Variants in SENP5 observed in about 807,000 individuals in gnomAD.
SENP5 encodes the protein sentrin-specific protease 5.
SENP5 carries 21 observed loss-of-function variants against 74.2 expected under a neutral mutation model. That is an observed-to-expected ratio of 0.28 (90% CI 0.20 to 0.41). The LOEUF is 0.41. Among genes scored for constraint, SENP5 ranks in the 10% least tolerant of loss-of-function variants. The pLI, the probability that SENP5 is intolerant of heterozygous loss-of-function variation, is 1.00. For missense variants in SENP5, 717 were observed against 889.1 expected (o/e 0.81, Z 2.46); for synonymous variants, 311 against 312.7 (o/e 0.99, Z 0.06).
chr3:196,878,678 GTC>G, intron 1 of SENP5, among the ~76,000 whole-genome samples: 1 of 152,210 alleles, frequency 6.6e-6, no homozygotes, highest in East Asian at 1.9e-4. Flanking sequence ...TGCAATCTCC[GTC>G]TCTCGGGTTC....
chr3:196,933,820 C>CG lies in SENP5; in HGVS notation c.*2899dup, dbSNP rs1560166211. The CG allele has an allele frequency of 6.6e-6, 1 of 151,632 alleles. No individual in the cohort carries two copies. Among genetic ancestry groups the CG allele is most frequent in the African/African-American group, 2.4e-5 (1 of 41,192 alleles). The allele number at this position is 151,632 out of a possible 1,614,324, so 9.4% of individuals were successfully genotyped here. On this transcript the variant is annotated 3_prime_UTR_variant, in exon 10 of 10. Transcript: ENST00000323460. ...TTTGCCATGTTGGTCAGGCTGGTCTCGGAACTCCTGACCTCAGGTGATCCA... is the reference window on the plus strand; with the variant it reads ...TTTGCCATGTTGGTCAGGCTGGTCTCGGGAACTCCTGACCTCAGGTGATCCA...
chr3:196,914,729 A>T (rs1318427555), intron 6 of SENP5: 1 of 151,034 alleles, frequency 6.6e-6, no homozygotes, highest in Non-Finnish European at 1.5e-5. Flanking sequence ...TCCTGCAGGA[A>T]CACCAAATTG....
At chr3:196,896,950 C>A (rs548108481) in intron 2 of SENP5, among the ~76,000 whole-genome samples, 1 of 151,914 alleles carries the variant, frequency 6.6e-6, no homozygotes, top group Non-Finnish European at 1.5e-5. Context: ...GCATTTCTAC[C>A]GAATAAGAAA....
At position 196,885,392 on chromosome 3, in the gene SENP5, A is replaced by T; in HGVS notation, c.211A>T (p.Ile71Phe). 1 of 1,614,192 alleles carries T rather than the reference A, an allele frequency of 6.2e-7. No homozygotes were observed. Among genetic ancestry groups the T allele is most frequent in the South Asian group, 1.1e-5 (1 of 91,086 alleles). Residue 71 changes from isoleucine (I) to phenylalanine (F), a missense_variant, in exon 2 of 10, where the codon ATC (isoleucine) becomes TTC (phenylalanine). Physicochemically the swap from Ile to Phe is conservative, Grantham distance 21 (BLOSUM62 0). Around this residue, in one of 4 missense-constraint regions of SENP5, gnomAD observed 567 missense variants for 577.4 expected, o/e 0.98. Transcript: ENST00000323460. ...KKALQIQKTW[I>F]KDEPLCAKTK... ...AGCTCTTCAAATCCAGAAAACGTGG[A>T]TCAAGGATGAACCCCTTTGTGCTAA...
At chr3:196,917,802 T>A (rs1715443716) in intron 6 of SENP5, among the ~76,000 whole-genome samples, 1 of 152,128 alleles carries the variant, frequency 6.6e-6, no homozygotes, top group African/African-American at 2.4e-5. Flanking sequence ...CTATAAGAGA[T>A]GCTAAGGGGA....
At chr3:196,912,384 A>G (rs1386183625) in intron 6 of SENP5, among the ~76,000 whole-genome samples, 1 of 152,124 alleles carries the variant, frequency 6.6e-6, no homozygotes, top group Non-Finnish European at 1.5e-5. Context: ...GAACACATGG[A>G]CATAGGGAGG....
chr3:196,884,978 C>T (rs574572427), intron 1 of SENP5, among the ~76,000 whole-genome samples, 173 bp from the exon 2 acceptor site: 2 of 152,310 alleles, frequency 1.3e-5, no homozygotes, highest in Admixed American at 6.5e-5. Flanking sequence ...TCCCTCCTCT[C>T]CAGTTTTCAT....
chr3:196,928,231 A>G (rs1473725077), intron 8 of SENP5, among the ~76,000 whole-genome samples: 1 of 152,134 alleles, frequency 6.6e-6, no homozygotes, highest in Non-Finnish European at 1.5e-5. Flanking sequence ...TGAAATGACT[A>G]TTTGGATCCA....
intron 1 of SENP5, among the ~76,000 whole-genome samples, chr3:196,876,656 G>A (rs186118637): frequency 2.5e-4 from 38 of 151,476 alleles, no homozygotes; most frequent in African/African-American, 7.5e-4. Context: ...TTCGGTGGGC[G>A]GATCACTTGA....
At chr3:196,926,639 C>CTTTTTTTTTTTTT in intron 7 of SENP5, among the ~76,000 whole-genome samples, 1 of 126,684 alleles carries the variant, frequency 7.9e-6, no homozygotes, top group Non-Finnish European at 1.6e-5. Context: ...TCCAGTCCAC[C>CTTTTTTTTTTTTT]TTTTTTTTTT....
In SENP5 at chr3:196,911,595, CAT is replaced by C. The variant is rs560893420; in HGVS notation, c.1884+7988_1884+7989del. Among the ~76,000 whole-genome samples the C allele has an allele frequency of 2.5e-4, 37 of 148,792 alleles. No homozygotes were observed. In the East Asian group the frequency reaches 6.5e-3, roughly 26 times the overall value. On this transcript the variant is annotated intron_variant, in intron 6 of 9. Transcript: ENST00000323460. ...AAAGGACATTTATGTAGCCAAAAAA[CAT>C]ATGAAAAAACCTCATCAGTTGGGCG...
At chr3:196,918,677 A>C (rs891893711) in intron 6 of SENP5, among the ~76,000 whole-genome samples, 2 of 152,178 alleles carry the variant, frequency 1.3e-5, no homozygotes, top group African/African-American at 4.8e-5. Context: ...ATAACATTGA[A>C]TGTAAATGGA....
intron 7 of SENP5, among the ~76,000 whole-genome samples, chr3:196,924,350 A>G (rs1468467571): frequency 6.6e-6 from 1 of 152,234 alleles, no homozygotes; most frequent in East Asian, 1.9e-4. Flanking sequence ...ATAACAGACA[A>G]TAACTATCCA....
chr3:196,926,719 A>G (rs1327375626), intron 7 of SENP5, among the ~76,000 whole-genome samples: 1 of 146,472 alleles, frequency 6.8e-6, no homozygotes, highest in Non-Finnish European at 1.5e-5. Context: ...GCTCATGGCA[A>G]CCTCCGCCTC....
chr3:196,876,267 C>T (rs548941607), intron 1 of SENP5, among the ~76,000 whole-genome samples: 12 of 152,168 alleles, frequency 7.9e-5, no homozygotes, highest in Non-Finnish European at 1.2e-4. Context: ...ATGGGCCAGG[C>T]GCTGTGGCTC....
chr3:196,914,715 GTCC>G (rs1194915061), intron 6 of SENP5: 1 of 149,532 alleles, frequency 6.7e-6, no homozygotes, highest in Non-Finnish European at 1.5e-5. Flanking sequence ...TTCAACCATC[GTCC>G]TCCTGCAGGA....
rs370713831 is a variant in SENP5 at position 196,887,382 on chromosome 3, G to A, written c.1513+688G>A. Among the ~76,000 whole-genome samples, 19 of 152,152 alleles carry A rather than the reference G, an allele frequency of 1.2e-4. No individual in the cohort carries two copies. The East Asian group carries it at 3.3e-3, about 26-fold the overall frequency. On this transcript the variant is annotated intron_variant, in intron 2 of 9. Transcript: ENST00000323460. Reference sequence around the variant, plus strand: ...TTTAGTAGAGATGGGGTTTCACCATGTTGGCCAGGCTGGTCTCGACCTCCT... The same window carrying A: ...TTTAGTAGAGATGGGGTTTCACCATATTGGCCAGGCTGGTCTCGACCTCCT...
Position 196,903,625 on chromosome 3 carries a change from T to G in SENP5, c.1884+15T>G. 1 of 1,508,736 alleles carries G rather than the reference T, an allele frequency of 6.6e-7. No individual in the cohort carries two copies. Among genetic ancestry groups the G allele is most frequent in the Non-Finnish European group, 9.1e-7 (1 of 1,101,346 alleles). 93.5% of individuals were successfully genotyped at this position (1,508,736 alleles called of 1,614,324 possible). A position where few individuals can be genotyped will look rare whatever the true frequency, so the allele number is the denominator to read the frequency against. On this transcript the variant is annotated intron_variant, in intron 6 of 9. Coordinates refer to ENST00000323460, the MANE Select transcript of SENP5 (RefSeq NM_152699.5). ...GGACTAAAAAGGTATTCTCTTTATTTCTTTTTTATTCCAAATTTGAAACGC... is the reference window on the plus strand; with the variant it reads ...GGACTAAAAAGGTATTCTCTTTATTGCTTTTTTATTCCAAATTTGAAACGC...
chr3:196,903,989 C>A lies in SENP5; in HGVS notation c.1884+379C>A, dbSNP rs143084074. On this transcript the variant is annotated intron_variant, in intron 6 of 9. Coordinates refer to ENST00000323460, the MANE Select transcript of SENP5 (RefSeq NM_152699.5). Reference sequence around the variant, plus strand: ...TCACTTGAGCACAAGCATTTGAGGCCAGCTTGGGCAACATAGCCAGATCCT... The same window carrying A: ...TCACTTGAGCACAAGCATTTGAGGCAAGCTTGGGCAACATAGCCAGATCCT... Among the ~76,000 whole-genome samples the A allele has an allele frequency of 1.3e-4, 20 of 152,318 alleles. No homozygotes were observed. In the East Asian group the frequency reaches 3.9e-3, roughly 29 times the overall value.
Sources: gnomAD v4.1 joint callset for allele counts (sites outside exome capture counted in the v4.1 genomes callset) on GRCh38, gnomAD v4.1.1 for gene constraint, gnomAD v4.1.1 regional missense constraint, MANE v1.5 for transcripts, NCBI Gene and HGNC (gene_info 2026-07-23, HGNC 2026-07-21) for gene names.